Variants in GADL1 observed in about 807,000 individuals in gnomAD.
GADL1 encodes GAD like acidic amino acid decarboxylase 1.
In GADL1, 71 loss-of-function variants were observed where a neutral mutation model predicts 69.5. The ratio of observed to expected loss-of-function variants is 1.02; its 90% CI spans 0.84 to 1.25. GADL1 has a LOEUF of 1.25. Among genes scored for constraint, GADL1 ranks in the 50% most tolerant of loss-of-function variants. The pLI, the probability that GADL1 is intolerant of heterozygous loss-of-function variation, is 0.00. For missense variants in GADL1, 737 were observed against 631.8 expected, an observed-to-expected ratio of 1.17 and a Z score of -1.79; for synonymous variants, 254 against 214.4, an observed-to-expected ratio of 1.18 and a Z score of -1.62.
Position 30,810,223 on chromosome 3 carries a change from T to A in GADL1, c.1051-9135A>T, listed in dbSNP as rs553574999. ...CTGGTTCAAGCCGTTTCCAGAAAGT[T>A]TCTGGGTGCTGTGTGCTAGGTTTCC... On this transcript the variant is annotated intron_variant, in intron 11 of 14. Coordinates refer to ENST00000282538, the MANE Select transcript of GADL1 (RefSeq NM_207359.3). Among the ~76,000 whole-genome samples, 6 of 152,326 alleles carry A rather than the reference T, an allele frequency of 3.9e-5. No homozygotes were observed. In the East Asian group the frequency reaches 1.2e-3, roughly 29 times the overall value.
At chr3:30,753,458 AT>A (rs1695884078) in intron 14 of GADL1, among the ~76,000 whole-genome samples, 2 of 151,936 alleles carry the variant, frequency 1.3e-5, no homozygotes, top group Admixed American at 6.6e-5. Context: ...TTAGGAAAAA[AT>A]TCTCAGGTTT....
At position 30,816,530 on chromosome 3, in the gene GADL1, C is replaced by CTTTTTTTTTTTTTTTTTTTTTTTTTTTT. The variant is rs773530741; in HGVS notation, c.1051-15470_1051-15443dup. ...AGACCATATATTCTTAATTTGTTTTCTTTTTTTTTTTTTTTTTTTTTTTTT... is the reference window on the plus strand; with the variant it reads ...AGACCATATATTCTTAATTTGTTTTCTTTTTTTTTTTTTTTTTTTTTTTTTTTTTTTTTTTTTTTTTTTTTTTTTTTTT... On this transcript the variant is annotated intron_variant, in intron 11 of 14. Coordinates refer to ENST00000282538, the MANE Select transcript of GADL1 (RefSeq NM_207359.3). Among the ~76,000 whole-genome samples, 6 of 53,996 alleles carry CTTTTTTTTTTTTTTTTTTTTTTTTTTTT rather than the reference C, an allele frequency of 1.1e-4. 3 individuals carry two copies. Among genetic ancestry groups the CTTTTTTTTTTTTTTTTTTTTTTTTTTTT allele is most frequent in the Non-Finnish European group, 2.4e-4 (6 of 25,436 alleles). The allele number at this position is 53,996 out of a possible 152,430, so 35.4% of individuals were successfully genotyped here.
intron 14 of GADL1, among the ~76,000 whole-genome samples, chr3:30,767,449 C>CTG (rs1696307834): frequency 6.6e-6 from 1 of 152,002 alleles, no homozygotes; most frequent in Non-Finnish European, 1.5e-5. Flanking sequence ...GATTGGAAAA[C>CTG]TGAAATAGTT....
At chr3:30,825,078 G>A (rs1291470756) in intron 11 of GADL1, among the ~76,000 whole-genome samples, 1 of 151,904 alleles carries the variant, frequency 6.6e-6, no homozygotes, top group African/African-American at 2.4e-5. Context: ...GCATCATAAT[G>A]ACCTAAAGGT....
intron 14 of GADL1, among the ~76,000 whole-genome samples, chr3:30,775,546 CCAGTGATAATTTGTCTGCAGCATG>C (rs1348796413): frequency 6.6e-6 from 1 of 151,136 alleles, no homozygotes; most frequent in Non-Finnish European, 1.5e-5. Context: ...AAACTCAGAA[CCAGTGATAATTTGTCTGCAGCATG>C]CATTTTTTCT....
rs188486952 is a variant in GADL1, at chr3:30,752,505, G to T, written c.1393-24090C>A. 2.8e-4 allele frequency among the ~76,000 whole-genome samples: 43 copies of T among 152,298 alleles called. No individual in the cohort carries two copies. The East Asian group carries it at 7.1e-3, about 25-fold the overall frequency. On this transcript the variant is annotated intron_variant, in intron 14 of 14. Coordinates refer to ENST00000282538, the MANE Select transcript of GADL1 (RefSeq NM_207359.3). Reference sequence around the variant, plus strand: ...ACTATAAATTTGGGATAGCCCTGGCGATGAGGATGCTGTGGGACACTGTTT... The same window carrying T: ...ACTATAAATTTGGGATAGCCCTGGCTATGAGGATGCTGTGGGACACTGTTT...
At chr3:30,857,718 A>G (rs1698252369) in intron 2 of GADL1, among the ~76,000 whole-genome samples, 1 of 151,910 alleles carries the variant, frequency 6.6e-6, no homozygotes, top group Non-Finnish European at 1.5e-5. Flanking sequence ...TCAAAGTAAA[A>G]CCTGAGGTCC....
At chr3:30,786,887 A>ACT (rs1361832588) in intron 12 of GADL1, among the ~76,000 whole-genome samples, 1 of 152,190 alleles carries the variant, frequency 6.6e-6, no homozygotes, top group African/African-American at 2.4e-5. Flanking sequence ...AGAGAGGAGG[A>ACT]CTGATAATCA....
At chr3:30,806,064 G>A (rs1416075703) in intron 11 of GADL1, among the ~76,000 whole-genome samples, 1 of 151,976 alleles carries the variant, frequency 6.6e-6, no homozygotes, top group Non-Finnish European at 1.5e-5. Context: ...TCTGTGGCCT[G>A]GGTGGGAGGA....
Position 30,728,086 on chromosome 3 carries a change from T to TG in GADL1, c.*155_*156insC. ...GCCCAGGCAGCTAGAGAGTCCTTAA[T>TG]ATTCATTGCTTAGCATTTTGGTTTT... On this transcript the variant is annotated 3_prime_UTR_variant, in exon 15 of 15. Coordinates refer to ENST00000282538, the MANE Select transcript of GADL1 (RefSeq NM_207359.3). The TG allele has an allele frequency of 1.6e-6, 1 of 617,510 alleles. No individual in the cohort carries two copies. Among genetic ancestry groups the TG allele is most frequent in the Non-Finnish European group, 2.9e-6 (1 of 347,318 alleles). 38.3% of individuals were successfully genotyped at this position (617,510 alleles called of 1,614,324 possible).
At chr3:30,782,545 CTG>C (rs1210222024) in intron 13 of GADL1, among the ~76,000 whole-genome samples, 1 of 152,122 alleles carries the variant, frequency 6.6e-6, no homozygotes. Context: ...TTTGAGGTGT[CTG>C]TGGCATCTAG....
At chr3:30,855,616 C>T (rs1375408131) in intron 3 of GADL1, among the ~76,000 whole-genome samples, 4 of 151,922 alleles carry the variant, frequency 2.6e-5, no homozygotes, top group Non-Finnish European at 5.9e-5. Context: ...ATTTTTTTCC[C>T]CCCTCCTATA....
chr3:30,834,350 A>C, intron 9 of GADL1, 69 bp from the exon 10 acceptor site: 1 of 1,298,590 alleles, frequency 7.7e-7, no homozygotes. Flanking sequence ...GGGTTGTCAT[A>C]GAAAACCCTC....
intron 11 of GADL1, among the ~76,000 whole-genome samples, chr3:30,827,143 G>A (rs751783546): frequency 5.9e-5 from 9 of 151,992 alleles, no homozygotes; most frequent in South Asian, 2.1e-4. Flanking sequence ...GGTGGTATTG[G>A]AAATAGATAC....
intron 14 of GADL1, among the ~76,000 whole-genome samples, chr3:30,768,556 A>T (rs111468156): frequency 7.9e-5 from 6 of 76,428 alleles, no homozygotes; most frequent in Middle Eastern, 5.8e-3. Flanking sequence ...AGAGGGGGAG[A>T]GAGAAGGGGT....
Position 30,795,855 on chromosome 3 carries a change from A to G in GADL1, c.1250+5034T>C, listed in dbSNP as rs76773420. ...TTGGATATCAAGAGTGTGGAAAGTTAAGGCAAAAAAACTATTATGAGTAAC... is the reference window on the plus strand; with the variant it reads ...TTGGATATCAAGAGTGTGGAAAGTTGAGGCAAAAAAACTATTATGAGTAAC... On this transcript the variant is annotated intron_variant, in intron 12 of 14. Transcript: ENST00000282538. 8.2e-4 allele frequency among the ~76,000 whole-genome samples: 125 copies of G among 152,282 alleles called. 1 individual carries two copies. The highest frequency in any genetic ancestry group is 1.5e-3 in the Non-Finnish European group (103 of 68,014).
At chr3:30,771,975 C>T (rs149304252) in intron 14 of GADL1, among the ~76,000 whole-genome samples, 1 of 152,192 alleles carries the variant, frequency 6.6e-6, no homozygotes, top group African/African-American at 2.4e-5. Flanking sequence ...GAAGCCCTCC[C>T]TAAAATCCAA....
chr3:30,867,958 A>G (rs1368024531), intron 1 of GADL1, among the ~76,000 whole-genome samples: 1 of 152,046 alleles, frequency 6.6e-6, no homozygotes, highest in Non-Finnish European at 1.5e-5. Context: ...CTGAAATTAG[A>G]AGACCTGCCT....
intron 12 of GADL1, chr3:30,798,420 C>G (rs1697092783): frequency 6.6e-6 from 1 of 152,536 alleles, no homozygotes; most frequent in African/African-American, 2.4e-5. Flanking sequence ...AAAGCAGAAA[C>G]CCCTGATAAA....
Sources: gnomAD v4.1 joint callset for allele counts (sites outside exome capture counted in the v4.1 genomes callset) on GRCh38, gnomAD v4.1.1 for gene constraint, MANE v1.5 for transcripts, NCBI Gene and HGNC (gene_info 2026-07-23, HGNC 2026-07-21) for gene names.